Variants in TMEM117 observed in about 807,000 individuals in gnomAD.
The protein encoded by TMEM117 is transmembrane protein 117.
In TMEM117, 27 loss-of-function variants were observed where a neutral mutation model predicts 52.4. The observed-to-expected ratio is 0.51, with a 90% CI of 0.38 to 0.71. The LOEUF (loss-of-function observed/expected upper bound fraction) is 0.71, where lower values mean the gene tolerates loss of function less well. TMEM117 is among the 30% of genes least tolerant of loss of function. The pLI is 0.00. For synonymous variants in TMEM117, 215 were observed against 206.3 expected (o/e 1.04, Z -0.36); for missense variants, 556 against 630.5 (o/e 0.88, Z 1.26).
At chr12:44,188,201 C>T (rs553854271) in intron 4 of TMEM117, among the ~76,000 whole-genome samples, 6 of 152,056 alleles carry the variant, frequency 3.9e-5, no homozygotes, top group Non-Finnish European at 8.8e-5. Flanking sequence ...CTCTTTTAGG[C>T]CTGCAAATCT....
intron 6 of TMEM117, among the ~76,000 whole-genome samples, chr12:44,360,041 C>G (rs1216569844): frequency 6.6e-6 from 1 of 152,066 alleles, no homozygotes; most frequent in Non-Finnish European, 1.5e-5. Context: ...ATTTACTTGA[C>G]TGGAACATGT....
At chr12:43,917,210 T>C (rs1944618964) in intron 2 of TMEM117, among the ~76,000 whole-genome samples, 1 of 128,628 alleles carries the variant, frequency 7.8e-6, no homozygotes, top group Non-Finnish European at 1.6e-5. Flanking sequence ...CTGGGCAAGA[T>C]AGTGAGAGCC....
chr12:44,044,776 G>T (rs1946854758), intron 3 of TMEM117, among the ~76,000 whole-genome samples: 1 of 152,254 alleles, frequency 6.6e-6, no homozygotes, highest in African/African-American at 2.4e-5. Flanking sequence ...AAGGTCAACA[G>T]TGAAGGGAAA....
intron 4 of TMEM117, among the ~76,000 whole-genome samples, chr12:44,172,903 T>G (rs1949067741): frequency 2.0e-5 from 3 of 152,166 alleles, no homozygotes; most frequent in Admixed American, 2.0e-4. Flanking sequence ...TTTTGTATTT[T>G]TAGTAGAGAT....
intron 5 of TMEM117, among the ~76,000 whole-genome samples, chr12:44,299,275 C>T (rs768778546): frequency 2.3e-4 from 35 of 151,860 alleles, no homozygotes; most frequent in African/African-American, 6.5e-4. Flanking sequence ...GGACTACAGG[C>T]GCACACCACT....
intron 3 of TMEM117, among the ~76,000 whole-genome samples, chr12:43,999,574 G>A (rs189470616): frequency 2.6e-5 from 4 of 152,232 alleles, no homozygotes; most frequent in African/African-American, 9.6e-5. Flanking sequence ...CCTCCTGGGC[G>A]GAAGTGTTTC....
At chr12:43,905,193 C>CGAG (rs1944365713) in intron 2 of TMEM117, among the ~76,000 whole-genome samples, 2 of 152,134 alleles carry the variant, frequency 1.3e-5, no homozygotes, top group Admixed American at 6.6e-5. Context: ...TGTATGTCTC[C>CGAG]CCTATCCTGA....
intron 6 of TMEM117, among the ~76,000 whole-genome samples, chr12:44,374,937 T>C (rs1204274588): frequency 6.6e-6 from 1 of 152,044 alleles, no homozygotes; most frequent in Non-Finnish European, 1.5e-5. Flanking sequence ...GGTATTCTGG[T>C]TATCAGTCAT....
chr12:44,226,501 ATGTGTGTGTG>A (rs56709250), intron 5 of TMEM117, among the ~76,000 whole-genome samples: 1 of 149,176 alleles, frequency 6.7e-6, no homozygotes, highest in Non-Finnish European at 1.5e-5. Flanking sequence ...AAATATATAT[ATGTGTGTGTG>A]TGTGTGTGTG....
intron 3 of TMEM117, chr12:44,010,176 A>T (rs778924513): frequency 3.9e-6 from 2 of 516,444 alleles, no homozygotes; most frequent in African/African-American, 3.8e-5. Flanking sequence ...CCTGTGTGTG[A>T]CACTGACACC....
At chr12:44,393,516 AG>A (rs915026980), downstream of TMEM117, among the ~76,000 whole-genome samples, 2 of 151,718 alleles carry the variant, frequency 1.3e-5, no homozygotes, top group Non-Finnish European at 2.9e-5. Context: ...AGGCTTAGAG[AG>A]GTTTTTTTGA....
intron 3 of TMEM117, among the ~76,000 whole-genome samples, chr12:44,128,694 AC>A (rs1475422405): frequency 1.3e-5 from 2 of 152,128 alleles, no homozygotes; most frequent in Non-Finnish European, 2.9e-5. Context: ...ACCTTTAATT[AC>A]CACCAAAGGC....
At chr12:43,838,536 A>ATTTTTTTTT (rs1565712907) in intron 1 of TMEM117, among the ~76,000 whole-genome samples, 1 of 134,298 alleles carries the variant, frequency 7.4e-6, no homozygotes, top group African/African-American at 3.0e-5. Flanking sequence ...GGAGTCTTCC[A>ATTTTTTTTT]GTTTTTTTTT....
At chr12:44,299,287 C>T (rs73086790) in intron 5 of TMEM117, among the ~76,000 whole-genome samples, 5,240 of 152,004 alleles carry the variant, frequency 0.034, 108 homozygotes, top group Middle Eastern at 0.13. Flanking sequence ...CACACCACTG[C>T]GTTTGGCTAA....
chr12:43,923,172 C>T (rs560731831), intron 2 of TMEM117, among the ~76,000 whole-genome samples: 6 of 152,006 alleles, frequency 3.9e-5, no homozygotes, highest in Non-Finnish European at 8.8e-5. Context: ...GAGAGTGGGC[C>T]GTTCTTTATC....
chr12:43,818,161 A>G, the TMEM117 span, among the ~76,000 whole-genome samples: 1 of 152,180 alleles, frequency 6.6e-6, no homozygotes, highest in Non-Finnish European at 1.5e-5. Context: ...TGCACGTTAA[A>G]ACTTGCAAAC....
intron 3 of TMEM117, among the ~76,000 whole-genome samples, chr12:44,031,279 A>G (rs780034763): frequency 1.6e-4 from 24 of 152,234 alleles, no homozygotes; most frequent in Non-Finnish European, 3.1e-4. Context: ...TAATTGTTAC[A>G]TAAAATCATT....
intron 5 of TMEM117, among the ~76,000 whole-genome samples, chr12:44,232,922 G>T (rs1949951088): frequency 6.6e-6 from 1 of 150,380 alleles, no homozygotes. Context: ...TTTTTTAATA[G>T]TTTTCTTTCT....
At chr12:43,795,818 C>CA in the TMEM117 span, 1 of 1,546,688 alleles carries the variant, frequency 6.5e-7, no homozygotes, top group Middle Eastern at 1.8e-4. Context: ...AGCTGGTTTT[C>CA]AGGTATATGA....
Sources: gnomAD v4.1 joint callset for allele counts (sites outside exome capture counted in the v4.1 genomes callset) on GRCh38, gnomAD v4.1.1 for gene constraint, MANE v1.5 for transcripts, NCBI Gene and HGNC (gene_info 2026-07-23, HGNC 2026-07-21) for gene names.